Variants in FER1L6 observed in about 807,000 individuals in gnomAD.
FER1L6 encodes the protein fer-1 like family member 6.
A neutral mutation model predicts 219.2 loss-of-function variants in FER1L6; 177 were observed. That is an observed-to-expected ratio of 0.81 (90% confidence interval 0.71 to 0.91). The LOEUF is 0.91. FER1L6 is among the 40% of genes least tolerant of loss of function. The probability of loss-of-function intolerance (pLI) is 0.00; values close to 1 mark genes in which losing one functional copy is unlikely to be tolerated. For synonymous variants in FER1L6, 768 were observed against 824.3 expected (o/e 0.93, Z 1.17); for missense variants, 2,153 against 2,259.9 (o/e 0.95, Z 0.96).
chr8:123,866,727 C>A (rs114555065), intron 1 of FER1L6, among the ~76,000 whole-genome samples: 4,247 of 152,208 alleles, frequency 0.028, 196 homozygotes, highest in African/African-American at 0.097. Flanking sequence ...AAGCGATCCT[C>A]CTGCCTCAGC....
At chr8:124,029,163 T>C (rs1302798031) in intron 18 of FER1L6, among the ~76,000 whole-genome samples, 1 of 152,258 alleles carries the variant, frequency 6.6e-6, no homozygotes, top group Non-Finnish European at 1.5e-5. Context: ...CCATGTTTTC[T>C]TTATCCAGTC....
At chr8:123,888,845 C>A (rs66846856) in intron 1 of FER1L6, among the ~76,000 whole-genome samples, 35,540 of 152,086 alleles carry the variant, frequency 0.23, 4,455 homozygotes, top group East Asian at 0.44. Context: ...TGTGTATGTA[C>A]ATTTACTATG....
chr8:124,023,372 C>A, intron 17 of FER1L6, 72 bp from the exon 18 acceptor site: 1 of 1,452,044 alleles, frequency 6.9e-7, no homozygotes, highest in South Asian at 1.3e-5. Flanking sequence ...CAGAACTCTG[C>A]AAGTGCCTTT....
intron 12 of FER1L6, among the ~76,000 whole-genome samples, chr8:123,995,993 G>A (rs576569817): frequency 6.6e-6 from 1 of 151,980 alleles, no homozygotes; most frequent in African/African-American, 2.4e-5. Context: ...CTGATTTCTA[G>A]TCTTATTCTA....
At chr8:124,029,454 A>C (rs1224252596) in intron 18 of FER1L6, among the ~76,000 whole-genome samples, 2 of 151,944 alleles carry the variant, frequency 1.3e-5, no homozygotes, top group East Asian at 3.9e-4. Context: ...ACTTTTTTAT[A>C]ATTGCCTTTC....
chr8:124,094,727 T>A (rs1173070240), intron 34 of FER1L6, among the ~76,000 whole-genome samples, 169 bp from the exon 35 acceptor site: 2 of 152,184 alleles, frequency 1.3e-5, no homozygotes, highest in African/African-American at 4.8e-5. Flanking sequence ...CCTCAAGTGA[T>A]CTACCCACCT....
At chr8:123,859,864 C>T (rs2130250532) in intron 1 of FER1L6, among the ~76,000 whole-genome samples, 1 of 146,712 alleles carries the variant, frequency 6.8e-6, no homozygotes, top group East Asian at 2.0e-4. Flanking sequence ...CATCCATGTC[C>T]CTACAAAGGA....
chr8:124,063,295 G>A (rs939671034), intron 25 of FER1L6, among the ~76,000 whole-genome samples: 3 of 151,978 alleles, frequency 2.0e-5, no homozygotes, highest in African/African-American at 7.3e-5. Context: ...ATCCTTAATT[G>A]AGATATACTC....
intron 1 of FER1L6, among the ~76,000 whole-genome samples, chr8:123,930,872 G>A (rs1404762115): frequency 2.6e-5 from 4 of 152,290 alleles, no homozygotes; most frequent in South Asian, 2.1e-4. Flanking sequence ...TGGAGATCAC[G>A]TCTATACCTC....
At chr8:124,116,157 G>A (rs541522112) in intron 39 of FER1L6, among the ~76,000 whole-genome samples, 1 of 152,314 alleles carries the variant, frequency 6.6e-6, no homozygotes, top group South Asian at 2.1e-4. Context: ...TGCAAATCCT[G>A]GTTTTGTAAC....
At chr8:124,020,052 T>C (rs2130622435) in intron 16 of FER1L6, among the ~76,000 whole-genome samples, 1 of 152,304 alleles carries the variant, frequency 6.6e-6, no homozygotes, top group Admixed American at 6.5e-5. Flanking sequence ...TGGGAGGTAA[T>C]TGAATCATGG....
chr8:123,866,167 A>G (rs957209947), intron 1 of FER1L6, among the ~76,000 whole-genome samples: 3 of 152,098 alleles, frequency 2.0e-5, no homozygotes, highest in Non-Finnish European at 4.4e-5. Context: ...TAGATTCCAC[A>G]TATAGGTGAG....
intron 1 of FER1L6, among the ~76,000 whole-genome samples, chr8:123,883,048 A>T (rs1817138365): frequency 6.6e-6 from 1 of 152,164 alleles, no homozygotes; most frequent in Non-Finnish European, 1.5e-5. Context: ...TGTTCTAAAA[A>T]ATAAAGCTGA....
chr8:124,032,274 A>C (rs1014352344), intron 18 of FER1L6, among the ~76,000 whole-genome samples: 1 of 152,074 alleles, frequency 6.6e-6, no homozygotes, highest in Non-Finnish European at 1.5e-5. Flanking sequence ...AAAATCCAAA[A>C]ATTAGCCGGG....
At chr8:124,042,928 A>G (rs1208946202) in intron 20 of FER1L6, among the ~76,000 whole-genome samples, 2 of 152,196 alleles carry the variant, frequency 1.3e-5, no homozygotes, top group East Asian at 3.9e-4. Context: ...GAAAGCTCCG[A>G]CAGAGAAAGG....
At chr8:124,084,666 G>A (rs1220349776) in intron 33 of FER1L6, among the ~76,000 whole-genome samples, 1 of 152,004 alleles carries the variant, frequency 6.6e-6, no homozygotes, top group East Asian at 1.9e-4. Flanking sequence ...TGGTTTGCTA[G>A]TATTTTGTTG....
chr8:123,975,388 A>G, intron 8 of FER1L6, 82 bp downstream of exon 8: 2 of 1,326,180 alleles, frequency 1.5e-6, no homozygotes, highest in Non-Finnish European at 2.1e-6. Context: ...CACTTTTCTT[A>G]TGGGTACATG....
intron 1 of FER1L6, among the ~76,000 whole-genome samples, chr8:123,858,714 C>T (rs1254746154): frequency 2.6e-5 from 4 of 152,156 alleles, no homozygotes; most frequent in African/African-American, 7.2e-5. Context: ...ACTCACTAGA[C>T]GACCAGGAAG....
intron 33 of FER1L6, among the ~76,000 whole-genome samples, chr8:124,090,745 A>AGAATAGGT (rs1821995558): frequency 6.6e-6 from 1 of 152,196 alleles, no homozygotes; most frequent in African/African-American, 2.4e-5. Flanking sequence ...TTTTAAGGAA[A>AGAATAGGT]GAATAGGTTG....
Sources: allele counts gnomAD v4.1 joint callset (sites outside exome capture counted in the v4.1 genomes callset), GRCh38; gene constraint gnomAD v4.1.1; transcripts MANE v1.5; gene names NCBI Gene and HGNC (gene_info 2026-07-23, HGNC 2026-07-21).